Variants in IFT43 observed in about 807,000 individuals in gnomAD.
IFT43 encodes intraflagellar transport 43, also known as intraflagellar transport protein 43 homolog.
Under a neutral mutation model 32.3 loss-of-function variants are expected in IFT43, and 33 were observed. That is an observed-to-expected ratio of 1.02 (90% confidence interval 0.77 to 1.37). The LOEUF is 1.37. Among genes scored for constraint, IFT43 ranks in the 40% most tolerant of loss-of-function variants. IFT43 has a pLI of 0.00. For missense variants in IFT43, 274 were observed against 265.9 expected, an observed-to-expected ratio of 1.03 and a Z score of -0.21; for synonymous variants, 93 against 98.2, an observed-to-expected ratio of 0.95 and a Z score of 0.31.
chr14:76,044,709 C>T (rs117847910), intron 3 of IFT43, among the ~76,000 whole-genome samples: 1 of 152,256 alleles, frequency 6.6e-6, no homozygotes, highest in East Asian at 1.9e-4. Context: ...AAAGACATAA[C>T]ACATTGGAGA....
chr14:76,032,231 T>A (rs1027153487), intron 3 of IFT43, among the ~76,000 whole-genome samples: 1 of 152,236 alleles, frequency 6.6e-6, no homozygotes, highest in African/African-American at 2.4e-5. Context: ...TTGAAATACA[T>A]CTGTTGTCTG....
At chr14:76,049,799 T>C (rs747857002) in intron 3 of IFT43, among the ~76,000 whole-genome samples, 11 of 152,104 alleles carry the variant, frequency 7.2e-5, no homozygotes, top group Non-Finnish European at 1.3e-4. Context: ...ATTAGATCAT[T>C]GAGGTCTCTA....
intron 2 of IFT43, among the ~76,000 whole-genome samples, chr14:75,993,073 T>G (rs184470358): frequency 7.2e-5 from 11 of 152,316 alleles, no homozygotes; most frequent in African/African-American, 2.6e-4. Flanking sequence ...CAAAGTGATA[T>G]AACCCTTAAC....
chr14:76,035,827 G>C (rs2036588171), intron 3 of IFT43, among the ~76,000 whole-genome samples: 1 of 152,336 alleles, frequency 6.6e-6, no homozygotes, highest in Non-Finnish European at 1.5e-5. Flanking sequence ...TGCCTGTGGG[G>C]TAGACCTAGC....
chr14:76,058,732 C>CAGT, intron 4 of IFT43, 58 bp downstream of exon 4: 1 of 1,608,018 alleles, frequency 6.2e-7, no homozygotes, highest in Non-Finnish European at 8.5e-7. Context: ...GTCAACAGTG[C>CAGT]AGTCTTGGTG....
intron 5 of IFT43, among the ~76,000 whole-genome samples, chr14:76,072,827 A>G (rs916508847): frequency 4.3e-4 from 65 of 152,212 alleles, no homozygotes; most frequent in Non-Finnish European, 1.0e-4. Flanking sequence ...TTAATACAGA[A>G]GACAGGATCA....
intron 5 of IFT43, among the ~76,000 whole-genome samples, chr14:76,072,427 G>A (rs2037337915): frequency 6.6e-6 from 1 of 152,182 alleles, no homozygotes; most frequent in South Asian, 2.1e-4. Context: ...TGAAATGTCT[G>A]GGTCACACCA....
chr14:76,017,920 A>G (rs987094899), intron 2 of IFT43, among the ~76,000 whole-genome samples: 5 of 151,214 alleles, frequency 3.3e-5, no homozygotes, highest in African/African-American at 1.2e-4. Flanking sequence ...TTATGATTTT[A>G]TTTATTTGGG....
At position 76,080,472 on chromosome 14, in the gene IFT43, C is replaced by T. The variant is rs116818186; in HGVS notation, c.296-1823C>T. On this transcript the variant is annotated intron_variant, in intron 5 of 8. Transcript: ENST00000314067. The stretch of plus-strand genomic sequence containing the variant: ...GCCCCAAGACGCTGGGCAGAGTTGA[C>T]AGGACCCAAATGCTAAAGTTGTGGA... Among the ~76,000 whole-genome samples, 1,518 of 152,304 alleles carry T rather than the reference C, an allele frequency of 1.0e-2. 25 individuals carry two copies. The highest frequency in any genetic ancestry group is 0.034 in the African/African-American group (1,419 of 41,556).
intron 3 of IFT43, 46 bp downstream of exon 3, chr14:76,022,440 T>C (rs768104239): frequency 1.6e-5 from 18 of 1,104,596 alleles, no homozygotes; most frequent in East Asian, 2.4e-5. Flanking sequence ...GTGCACACGG[T>C]TGGGGGGACT....
At chr14:76,067,264 G>A (rs1594859454) in intron 5 of IFT43, among the ~76,000 whole-genome samples, 1 of 152,266 alleles carries the variant, frequency 6.6e-6, no homozygotes, top group East Asian at 1.9e-4. Context: ...CTAGAAAAGA[G>A]AAGAGAAAAA....
chr14:76,081,492 G>A (rs963682253), intron 5 of IFT43, among the ~76,000 whole-genome samples: 7 of 152,178 alleles, frequency 4.6e-5, no homozygotes, highest in Non-Finnish European at 8.8e-5. Flanking sequence ...ATGTTAGGTT[G>A]ACCCATGAGA....
intron 5 of IFT43, among the ~76,000 whole-genome samples, chr14:76,070,506 A>G (rs2037302758): frequency 6.6e-6 from 1 of 152,166 alleles, no homozygotes; most frequent in Admixed American, 6.5e-5. Context: ...AATATAGCAT[A>G]TGAGACTTCC....
At position 76,051,104 on chromosome 14, in the gene IFT43, G is replaced by C. The variant is rs10145716; in HGVS notation, c.216-7538G>C. Among the ~76,000 whole-genome samples, 489 of 151,536 alleles carry C rather than the reference G, an allele frequency of 3.2e-3. 1 individual carries two copies. The highest frequency in any genetic ancestry group is 0.011 in the African/African-American group (461 of 41,214). ...CTACCAGACATCTTACTGATGAACT[G>C]TGCTGGCAGGAGCTAAATATGATCT... On this transcript the variant is annotated intron_variant, in intron 3 of 8. Coordinates refer to ENST00000314067, the MANE Select transcript of IFT43 (RefSeq NM_001102564.3).
intron 5 of IFT43, among the ~76,000 whole-genome samples, chr14:76,071,445 TG>T (rs1477048852): frequency 1.3e-4 from 20 of 152,164 alleles, no homozygotes; most frequent in Admixed American, 1.2e-3. Flanking sequence ...CGAGGTCACA[TG>T]GCCAATAAGC....
intron 5 of IFT43, among the ~76,000 whole-genome samples, chr14:76,068,852 A>C (rs1012450176): frequency 1.3e-5 from 2 of 152,154 alleles, no homozygotes; most frequent in Admixed American, 6.5e-5. Flanking sequence ...ATTGTGATGC[A>C]TGGGGCTAAG....
intron 2 of IFT43, among the ~76,000 whole-genome samples, chr14:75,999,929 T>C (rs1318539752): frequency 1.3e-5 from 2 of 152,222 alleles, no homozygotes; most frequent in Non-Finnish European, 2.9e-5. Flanking sequence ...AACTTTGTTT[T>C]CTAGAAAGAT....
chr14:76,036,812 C>T (rs1199982633), intron 3 of IFT43, among the ~76,000 whole-genome samples: 18 of 151,934 alleles, frequency 1.2e-4, no homozygotes, highest in Admixed American at 1.2e-3. Context: ...CCTTCCTTCC[C>T]TCCCTCTGTC....
At chr14:76,022,422 G>A in intron 3 of IFT43, 28 bp downstream of exon 3, 1 of 1,342,358 alleles carries the variant, frequency 7.4e-7, no homozygotes, top group South Asian at 1.2e-5. Flanking sequence ...ATAAGAGTAT[G>A]GGTGGGGGTG....
Sources: allele counts gnomAD v4.1 joint callset (sites outside exome capture counted in the v4.1 genomes callset), GRCh38; gene constraint gnomAD v4.1.1; transcripts MANE v1.5; gene names NCBI Gene and HGNC (gene_info 2026-07-23, HGNC 2026-07-21).